PLD5: variants seen among roughly 807,000 people sequenced by gnomAD.
PLD5 encodes inactive phospholipase D5.
Under a neutral mutation model 61.1 loss-of-function variants are expected in PLD5, and 36 were observed. The observed-to-expected ratio is 0.59, with a 90% CI of 0.45 to 0.78. The LOEUF (loss-of-function observed/expected upper bound fraction) is 0.78, where lower values mean the gene tolerates loss of function less well. PLD5 is among the 30% of genes least tolerant of loss of function. PLD5 has a pLI of 0.00. For missense variants in PLD5, 515 were observed against 644.4 expected, an observed-to-expected ratio of 0.80 and a Z score of 2.17; for synonymous variants, 243 against 242.8, an observed-to-expected ratio of 1.00 and a Z score of -0.01.
intron 5 of PLD5, among the ~76,000 whole-genome samples, chr1:242,152,295 C>T (rs1421958642): frequency 6.6e-6 from 1 of 152,078 alleles, no homozygotes; most frequent in East Asian, 1.9e-4. Context: ...AATTCCCTCT[C>T]CCAGTTTTAA....
chr1:242,264,958 A>AGCGTGAAAAGGATTTTCATTTGGCAGGC (rs1673576888), intron 4 of PLD5, among the ~76,000 whole-genome samples: 1 of 152,188 alleles, frequency 6.6e-6, no homozygotes, highest in Non-Finnish European at 1.5e-5. Flanking sequence ...TTAAATATAT[A>AGCGTGAAAAGGATTTTCATTTGGCAGGC]GCGTGAAAAG....
chr1:242,124,484 G>A lies in PLD5; in HGVS notation c.917C>T (p.Ser306Phe). The change falls in exon 6 of 10, where the codon TCT (serine) becomes TTT (phenylalanine). Residue 306 changes from serine (S) to phenylalanine (F), a missense_variant. Physicochemically the swap from Ser to Phe is radical, Grantham distance 155. Around this residue, in one of 2 missense-constraint regions of PLD5, gnomAD observed 450 missense variants for 598.1 expected, o/e 0.75. Coordinates refer to ENST00000536534, the MANE Select transcript of PLD5 (RefSeq NM_001372062.1). ...ACAACTCACCGATACAAATGCTTGAGATTTGGTTTCATTCAACTGAAGTTG... is the reference window on the plus strand; with the variant it reads ...ACAACTCACCGATACAAATGCTTGAAATTTGGTTTCATTCAACTGAAGTTG... ...KLQLQLNETK[S>F]QAFVSNSPKL... 6.2e-7 allele frequency: 1 copy of A among 1,613,830 alleles called. No homozygotes were observed. Among genetic ancestry groups the A allele is most frequent in the Non-Finnish European group, 8.5e-7 (1 of 1,179,824 alleles).
intron 1 of PLD5, among the ~76,000 whole-genome samples, chr1:242,362,900 T>G (rs1661148132): frequency 6.6e-6 from 1 of 152,012 alleles, no homozygotes; most frequent in Non-Finnish European, 1.5e-5. Context: ...GCCCAGAGCA[T>G]CCTGCTGAGG....
intron 1 of PLD5, among the ~76,000 whole-genome samples, chr1:242,502,197 A>G (rs1668575878): frequency 6.6e-6 from 1 of 152,098 alleles, no homozygotes; most frequent in Non-Finnish European, 1.5e-5. Flanking sequence ...AAGAACCTCA[A>G]ACTTAACATA....
intron 5 of PLD5, among the ~76,000 whole-genome samples, chr1:242,170,916 T>C (rs570013967): frequency 4.6e-5 from 7 of 152,300 alleles, no homozygotes; most frequent in Admixed American, 2.0e-4. Flanking sequence ...CTACACTTGA[T>C]TGGTGTACCT....
At chr1:242,318,607 G>A (rs542319124) in intron 2 of PLD5, among the ~76,000 whole-genome samples, 1 of 152,154 alleles carries the variant, frequency 6.6e-6, no homozygotes, top group East Asian at 1.9e-4. Flanking sequence ...AATGTCAAGT[G>A]TGCTGGTCAA....
At chr1:242,325,224 A>G (rs10158563) in intron 2 of PLD5, among the ~76,000 whole-genome samples, 149,258 of 151,770 alleles carry the variant, frequency 0.98, 73,435 homozygotes, top group Non-Finnish European at 1. Flanking sequence ...ACGAACTCTA[A>G]TTTATTATTT....
At chr1:242,526,476 AC>A (rs1342180654), upstream of PLD5, among the ~76,000 whole-genome samples, 1 of 152,152 alleles carries the variant, frequency 6.6e-6, no homozygotes, top group Non-Finnish European at 1.5e-5. Context: ...TCGCTCTGTC[AC>A]CAGGCTGGAG....
intron 4 of PLD5, among the ~76,000 whole-genome samples, chr1:242,264,308 C>T (rs915121199): frequency 1.3e-5 from 2 of 152,246 alleles, no homozygotes; most frequent in Admixed American, 6.5e-5. Flanking sequence ...TTCAAACATA[C>T]GATTATCTCA....
chr1:242,518,264 T>A (rs928765845), intron 1 of PLD5, among the ~76,000 whole-genome samples: 1 of 152,196 alleles, frequency 6.6e-6, no homozygotes, highest in African/African-American at 2.4e-5. Flanking sequence ...TAAACATGCT[T>A]TTTTGGTTAA....
At chr1:242,370,416 G>C (rs115478465) in intron 1 of PLD5, among the ~76,000 whole-genome samples, 7 of 152,254 alleles carry the variant, frequency 4.6e-5, no homozygotes, top group Non-Finnish European at 8.8e-5. Flanking sequence ...TTACGGGTGA[G>C]GGGTGAGGGG....
intron 1 of PLD5, among the ~76,000 whole-genome samples, chr1:242,465,432 C>A (rs1405886186): frequency 3.3e-5 from 5 of 152,228 alleles, no homozygotes; most frequent in Non-Finnish European, 7.3e-5. Context: ...CAGATCATGT[C>A]ACTTGTCTAC....
intron 1 of PLD5, among the ~76,000 whole-genome samples, chr1:242,466,820 G>C (rs1667291101): frequency 6.6e-6 from 1 of 151,948 alleles, no homozygotes; most frequent in Non-Finnish European, 1.5e-5. Flanking sequence ...TTGAACCCAG[G>C]AGGCGGAAGT....
At chr1:242,152,690 C>CT (rs1013734106) in intron 5 of PLD5, among the ~76,000 whole-genome samples, 6 of 151,988 alleles carry the variant, frequency 3.9e-5, no homozygotes, top group African/African-American at 9.7e-5. Flanking sequence ...TGAACTCATC[C>CT]TTTTTTTGTG....
rs1348870008 is a variant in PLD5, at chr1:242,083,645, T to C, written c.*6209A>G. On this transcript the variant is annotated 3_prime_UTR_variant, in exon 10 of 10. Coordinates refer to ENST00000536534, the MANE Select transcript of PLD5 (RefSeq NM_001372062.1). ...TGGTGTTGCCTTCTTGTTATTACAT[T>C]TTCTAGGATGTTGCCTTTAATAACT... The C allele has an allele frequency of 1.3e-5, 2 of 152,212 alleles. No individual in the cohort carries two copies. Among genetic ancestry groups the C allele is most frequent in the East Asian group, 3.9e-4 (2 of 5,194 alleles). 9.4% of individuals were successfully genotyped at this position (152,212 alleles called of 1,614,324 possible). A position where few individuals can be genotyped will look rare whatever the true frequency, so the allele number is the denominator to read the frequency against.
intron 1 of PLD5, among the ~76,000 whole-genome samples, chr1:242,359,747 G>A (rs1442338937): frequency 5.9e-5 from 9 of 152,136 alleles, no homozygotes; most frequent in Non-Finnish European, 1.0e-4. Context: ...CTTTCATAGG[G>A]TTATTATTAA....
intron 2 of PLD5, among the ~76,000 whole-genome samples, chr1:242,315,647 AC>A (rs1289460061): frequency 5.3e-5 from 8 of 152,054 alleles, no homozygotes; most frequent in African/African-American, 1.9e-4. Flanking sequence ...CTGGAGGATA[AC>A]TTTTTTTTTT....
intron 5 of PLD5, 117 bp downstream of exon 5, chr1:242,219,871 A>C (rs1670450456): frequency 7.7e-7 from 1 of 1,301,284 alleles, no homozygotes; most frequent in Admixed American, 2.1e-5. Context: ...TTAAAACTAC[A>C]GTTAAGAATA....
chr1:242,315,265 C>A (rs1294051036), intron 2 of PLD5, among the ~76,000 whole-genome samples: 1 of 152,106 alleles, frequency 6.6e-6, no homozygotes, highest in East Asian at 1.9e-4. Context: ...AAATAAAAAC[C>A]TACTGGAAAT....
Sources: gnomAD v4.1 joint callset for allele counts (sites outside exome capture counted in the v4.1 genomes callset) on GRCh38, gnomAD v4.1.1 for gene constraint, gnomAD v4.1.1 regional missense constraint, MANE v1.5 for transcripts, NCBI Gene and HGNC (gene_info 2026-07-23, HGNC 2026-07-21) for gene names.